ABCA8: variants seen among roughly 807,000 people sequenced by gnomAD.
ABCA8 encodes the protein ATP binding cassette subfamily A member 8.
In ABCA8, 177 loss-of-function variants were observed where a neutral mutation model predicts 192.3. The ratio of observed to expected loss-of-function variants is 0.92; its 90% CI spans 0.81 to 1.04. The LOEUF is 1.04. ABCA8 is among the 50% of genes least tolerant of loss of function. The pLI, the probability that ABCA8 is intolerant of heterozygous loss-of-function variation, is 0.00. For synonymous variants in ABCA8, 642 were observed against 690.2 expected (o/e 0.93, Z 1.09); for missense variants, 1,915 against 1,904.8 (o/e 1.01, Z -0.10).
Position 68,929,158 on chromosome 17 carries a change from A to T in ABCA8, c.1016T>A (p.Val339Asp). The T allele has an allele frequency of 6.2e-7, 1 of 1,611,846 alleles. No individual in the cohort carries two copies. The highest frequency in any genetic ancestry group is 2.2e-5 in the East Asian group (1 of 44,822). The change falls in exon 9 of 40, where the codon GTC becomes GAC. Residue 339 changes from valine to aspartate, a missense_variant. Transcript: ENST00000586539. ...LTGLVVFLLTVFWGCLGFTSL... is the reference protein window; with the variant it reads ...LTGLVVFLLTDFWGCLGFTSL... ...TGTGAACCCCAGACACCCCCAAAAGACAGTGAGGAGGAACACGACCAGGCC... is the reference window on the plus strand; with the variant it reads ...TGTGAACCCCAGACACCCCCAAAAGTCAGTGAGGAGGAACACGACCAGGCC...
rs2066364505 is a variant in ABCA8 at position 68,882,664 on chromosome 17, C to T, written c.3763G>A (p.Asp1255Asn). The change falls in exon 30 of 40, where the codon GAT becomes AAT. Residue 1255 changes from aspartate (D) to asparagine (N), a missense_variant. By Grantham distance (23) the Asp-to-Asn change is conservative. Coordinates refer to ENST00000586539, the MANE Select transcript of ABCA8 (RefSeq NM_001288985.2). ...CQNPEEPEGE[D>N]EDVQMERVRT... ...ACTCTTTCCATCTGAACATCTTCAT[C>T]CTCTCCTTCTGGTTCTTCTGGATTT... is the stretch of plus-strand genomic sequence containing the variant. 1.2e-6 allele frequency: 2 copies of T among 1,612,846 alleles called. No individual in the cohort carries two copies. The highest frequency in any genetic ancestry group is 1.3e-5 in the African/African-American group (1 of 74,898).
chr17:68,946,364 C>A (rs966386656), intron 2 of ABCA8, among the ~76,000 whole-genome samples: 3 of 152,130 alleles, frequency 2.0e-5, no homozygotes, highest in Admixed American at 6.5e-5. Flanking sequence ...CCGCACCCAG[C>A]CGCTTTTTAC....
chr17:68,948,654 T>C (rs2068483905), intron 2 of ABCA8, among the ~76,000 whole-genome samples: 1 of 152,206 alleles, frequency 6.6e-6, no homozygotes, highest in South Asian at 2.1e-4. Context: ...CTTTGTCAGA[T>C]GGGTAGATTG....
At chr17:68,909,957 G>T (rs74883334) in intron 17 of ABCA8, among the ~76,000 whole-genome samples, 2,251 of 152,136 alleles carry the variant, frequency 0.015, 63 homozygotes, top group African/African-American at 0.052. Context: ...AAATATTCAG[G>T]TTCAATTTCT....
rs779488476 is a variant in ABCA8 at position 68,940,971 on chromosome 17, T to C, written c.97-9A>G. 4 of 1,569,980 alleles carry C rather than the reference T, an allele frequency of 2.5e-6. No individual in the cohort carries two copies. The highest frequency in any genetic ancestry group is 1.4e-5 in the African/African-American group (1 of 73,458). ...AATGAATTCAGCCATTCCTATATAA[T>C]ACAGGAAAAAAGATAAAGAAAAGTC... On this transcript the variant is annotated splice_polypyrimidine_tract_variant and intron_variant, in intron 3 of 39. Transcript: ENST00000586539.
Position 68,917,460 on chromosome 17 carries a change from G to A in ABCA8, c.2048-9C>T. 1.3e-6 allele frequency: 2 copies of A among 1,598,660 alleles called. No homozygotes were observed. Among genetic ancestry groups the A allele is most frequent in the Non-Finnish European group, 8.5e-7 (1 of 1,170,762 alleles). Reference sequence around the variant, plus strand: ...GAGAAATACTTTCCTGTCTGAAAAAGAAGAAGAGCAAAGAAGAAAGTTTGT... The same window carrying A: ...GAGAAATACTTTCCTGTCTGAAAAAAAAGAAGAGCAAAGAAGAAAGTTTGT... On this transcript the variant is annotated splice_polypyrimidine_tract_variant and intron_variant, in intron 16 of 39. Transcript: ENST00000586539.
At chr17:68,891,657 T>A in intron 23 of ABCA8, 61 bp from the exon 24 acceptor site, 1 of 1,306,812 alleles carries the variant, frequency 7.7e-7, no homozygotes, top group Non-Finnish European at 1.1e-6. Flanking sequence ...TTTTCTGGAA[T>A]ACATTTTTAA....
intron 2 of ABCA8, among the ~76,000 whole-genome samples, chr17:68,945,700 A>G (rs4147955): frequency 0.38 from 57,888 of 151,920 alleles, 12,946 homozygotes; most frequent in Non-Finnish European, 0.51. Context: ...TCTCAAGCAT[A>G]TTGTTCCAAC....
At chr17:68,920,574 A>C (rs1431377562) in intron 13 of ABCA8, among the ~76,000 whole-genome samples, 1 of 152,210 alleles carries the variant, frequency 6.6e-6, no homozygotes, top group South Asian at 2.1e-4. Context: ...CTTCCACAGA[A>C]TATTACTATT....
Position 68,937,043 on chromosome 17 carries a change from A to C in ABCA8, c.374T>G (p.Val125Gly). The change falls in exon 5 of 40, where the codon GTA (valine) becomes GGA (glycine). Residue 125 changes from valine (V) to glycine (G), a missense_variant. Physicochemically the swap from Val to Gly is moderately radical, Grantham distance 109. Transcript: ENST00000586539. ...GTATGTATTAGTAAAGGTGACTCTT[A>C]CTATTTCTTCAGGATAATTTGCTGT... ...EFTANYPEEIVRVTFTNTYSY... is the reference protein window; with the variant it reads ...EFTANYPEEIGRVTFTNTYSY... 6.2e-7 allele frequency: 1 copy of C among 1,610,918 alleles called. No homozygotes were observed. The highest frequency in any genetic ancestry group is 8.5e-7 in the Non-Finnish European group (1 of 1,178,622).
intron 38 of ABCA8, 152 bp downstream of exon 38, chr17:68,869,548 C>A (rs2065994869): frequency 1.6e-6 from 1 of 622,936 alleles, no homozygotes. Context: ...CCCTCTATCT[C>A]CTTGGTTTGG....
chr17:68,918,930 CA>C (rs34377045), intron 14 of ABCA8, among the ~76,000 whole-genome samples: 2,250 of 45,958 alleles, frequency 0.049, 7 homozygotes, highest in Non-Finnish European at 0.073. Flanking sequence ...AACTCTGTCT[CA>C]AAAAAAAAAA....
chr17:68,904,776 A>T (rs1345978435), intron 19 of ABCA8, among the ~76,000 whole-genome samples: 2 of 152,152 alleles, frequency 1.3e-5, no homozygotes, highest in Admixed American at 6.5e-5. Flanking sequence ...AAACACAAGA[A>T]GCTGCATAGT....
chr17:68,899,103 C>T (rs1351344978), intron 21 of ABCA8, among the ~76,000 whole-genome samples: 45 of 151,544 alleles, frequency 3.0e-4, no homozygotes, highest in Admixed American at 2.6e-3. Context: ...AATAAAAAAT[C>T]GTTAAAATAA....
intron 7 of ABCA8, among the ~76,000 whole-genome samples, chr17:68,931,027 A>G (rs1432262429): frequency 6.6e-6 from 1 of 152,062 alleles, no homozygotes; most frequent in Admixed American, 6.5e-5. Flanking sequence ...CCTATTCACC[A>G]TCCTGTTTTG....
intron 19 of ABCA8, among the ~76,000 whole-genome samples, chr17:68,904,988 T>C (rs1026145652): frequency 5.9e-5 from 9 of 152,204 alleles, no homozygotes; most frequent in Non-Finnish European, 7.3e-5. Context: ...ATATATAGAA[T>C]TTTTCCAGTG....
At chr17:68,903,119 C>T (rs1378288756) in intron 20 of ABCA8, among the ~76,000 whole-genome samples, 182 bp downstream of exon 20, 4 of 152,242 alleles carry the variant, frequency 2.6e-5, no homozygotes, top group African/African-American at 4.8e-5. Flanking sequence ...AAATTTCATG[C>T]AATATTTGTC....
In ABCA8 at chr17:68,892,021, A is replaced by G. The variant is rs1207070532; in HGVS notation, c.3037-425T>C. On this transcript the variant is annotated intron_variant, in intron 23 of 39. Coordinates refer to ENST00000586539, the MANE Select transcript of ABCA8 (RefSeq NM_001288985.2). ...AATAAGTCAGTTTTTTAGGTACATC[A>G]TGAGACCAGATAAATATTGGTTGAG... Among the ~76,000 whole-genome samples, 3 of 152,230 alleles carry G rather than the reference A, an allele frequency of 2.0e-5. No individual in the cohort carries two copies. In the East Asian group the frequency reaches 5.8e-4, roughly 29 times the overall value.
Position 68,922,237 on chromosome 17 carries a change from T to TAAAA in ABCA8, c.1501+4_1501+5insTTTT. 4.5e-6 allele frequency: 2 copies of TAAAA among 446,234 alleles called. No individual in the cohort carries two copies. The highest frequency in any genetic ancestry group is 3.1e-5 in the African/African-American group (1 of 32,616). The allele number at this position is 446,234 out of a possible 1,614,324, so 27.6% of individuals were successfully genotyped here. On this transcript the variant is annotated splice_donor_region_variant and intron_variant, in intron 12 of 39. Transcript: ENST00000586539. ...TTTTTTTTTTTTTTTTTTTTTTTTT[T>TAAAA]TTACCTTTCAAGGCTTCTATTTTAT...
Sources: allele counts gnomAD v4.1 joint callset (sites outside exome capture counted in the v4.1 genomes callset), GRCh38; gene constraint gnomAD v4.1.1; transcripts MANE v1.5; gene names NCBI Gene and HGNC (gene_info 2026-07-23, HGNC 2026-07-21).